PRORP: variants seen among roughly 807,000 people sequenced by gnomAD.
PRORP encodes mitochondrial ribonuclease P catalytic subunit.
Under a neutral mutation model 59.4 loss-of-function variants are expected in PRORP, and 51 were observed. The ratio of observed to expected loss-of-function variants is 0.86; its 90% confidence interval spans 0.69 to 1.08. The LOEUF is 1.08. Ranked by LOEUF, PRORP falls within the 50% of genes least tolerant of loss-of-function variation. The pLI, the probability that PRORP is intolerant of heterozygous loss-of-function variation, is 0.00. For synonymous variants in PRORP, 231 were observed against 245.6 expected, an observed-to-expected ratio of 0.94 and a Z score of 0.55; for missense variants, 646 against 690.3, an observed-to-expected ratio of 0.94 and a Z score of 0.72.
At chr14:35,212,904 A>C (rs1054759517) in intron 5 of PRORP, among the ~76,000 whole-genome samples, 16 of 152,222 alleles carry the variant, frequency 1.1e-4, no homozygotes, top group African/African-American at 3.4e-4. Context: ...TCCATTGCCA[A>C]TCTGTTGTTT....
chr14:35,265,424 G>A (rs1344631611), intron 5 of PRORP, among the ~76,000 whole-genome samples: 1 of 152,106 alleles, frequency 6.6e-6, no homozygotes, highest in Non-Finnish European at 1.5e-5. Flanking sequence ...AGTAATTTAT[G>A]TACTTTTCCT....
chr14:35,130,922 G>A (rs2138800024), intron 4 of PRORP, among the ~76,000 whole-genome samples: 1 of 151,646 alleles, frequency 6.6e-6, no homozygotes, highest in East Asian at 2.0e-4. Context: ...TTATAGGCGT[G>A]AGTCACCAGA....
intron 5 of PRORP, 36 bp downstream of exon 5, chr14:35,180,813 T>C: frequency 7.6e-7 from 1 of 1,317,256 alleles, no homozygotes. Flanking sequence ...TCCACATCTC[T>C]AGAAATATTT....
intron 4 of PRORP, chr14:35,158,362 T>C: frequency 3.3e-6 from 1 of 299,970 alleles, no homozygotes. Flanking sequence ...CATTTTCAAC[T>C]TTACCAACAC....
Position 35,270,607 on chromosome 14 carries a change from C to T in PRORP, c.1620+11C>T. ...AAACTAACCTTTCAGGTAATGGTAC[C>T]TGTTCTTTATGTAATATTAACAGAG... On this transcript the variant is annotated intron_variant, in intron 7 of 7. Coordinates refer to ENST00000534898, the MANE Select transcript of PRORP (RefSeq NM_014672.4). 6.2e-7 allele frequency: 1 copy of T among 1,609,664 alleles called. No individual in the cohort carries two copies. The highest frequency in any genetic ancestry group is 8.5e-7 in the Non-Finnish European group (1 of 1,176,128).
rs958372542 is a variant in PRORP, at chr14:35,149,093, G to T, written c.1167+21482G>T. On this transcript the variant is annotated intron_variant, in intron 4 of 7. Coordinates refer to ENST00000534898, the MANE Select transcript of PRORP (RefSeq NM_014672.4). Reference sequence around the variant, plus strand: ...GCCACCACGCCCGGCTAATTTTTTTGTATTTTTAGTAGAGATGGGGTTTCA... The same window carrying T: ...GCCACCACGCCCGGCTAATTTTTTTTTATTTTTAGTAGAGATGGGGTTTCA... 4.1e-5 allele frequency among the ~76,000 whole-genome samples: 6 copies of T among 148,108 alleles called. No homozygotes were observed. In the South Asian group the frequency reaches 1.3e-3, roughly 32 times the overall value.
At chr14:35,210,506 C>A (rs940356203) in intron 5 of PRORP, among the ~76,000 whole-genome samples, 6 of 151,540 alleles carry the variant, frequency 4.0e-5, no homozygotes, top group Non-Finnish European at 7.4e-5. Flanking sequence ...TAGAAAAAGA[C>A]TTATACAGGG....
At chr14:35,169,115 G>A (rs776329151) in intron 4 of PRORP, among the ~76,000 whole-genome samples, 28 of 150,744 alleles carry the variant, frequency 1.9e-4, no homozygotes, top group Non-Finnish European at 3.7e-4. Flanking sequence ...AGTATTTAAA[G>A]CTATGTATTT....
intron 5 of PRORP, among the ~76,000 whole-genome samples, chr14:35,197,722 TATTATTTCTACC>T (rs1457216864): frequency 6.6e-6 from 1 of 152,206 alleles, no homozygotes; most frequent in African/African-American, 2.4e-5. Flanking sequence ...CTTATTGGTA[TATTATTTCTACC>T]CCATTTTGTC....
chr14:35,172,889 A>G (rs1295334430), intron 4 of PRORP, among the ~76,000 whole-genome samples: 1 of 122,802 alleles, frequency 8.1e-6, no homozygotes, highest in Non-Finnish European at 1.7e-5. Flanking sequence ...TTTTTTGGAG[A>G]TAGAGTTTCT....
chr14:35,241,458 T>A (rs2050367270), intron 5 of PRORP, among the ~76,000 whole-genome samples: 1 of 152,196 alleles, frequency 6.6e-6, no homozygotes, highest in Non-Finnish European at 1.5e-5. Context: ...CTTTTGGCTC[T>A]CATTTGTGGC....
chr14:35,266,967 T>G (rs2051058085), intron 6 of PRORP, 92 bp downstream of exon 6: 1 of 1,235,136 alleles, frequency 8.1e-7, no homozygotes, highest in South Asian at 1.4e-5. Flanking sequence ...TTTAAATGCA[T>G]GTGTATGTGT....
intron 4 of PRORP, among the ~76,000 whole-genome samples, chr14:35,176,012 G>T (rs1167499779): frequency 2.0e-5 from 3 of 152,190 alleles, no homozygotes; most frequent in Non-Finnish European, 4.4e-5. Context: ...TTTCCCCATT[G>T]CTTGTTTTTG....
intron 2 of PRORP, among the ~76,000 whole-genome samples, chr14:35,125,936 T>C (rs962518535): frequency 2.0e-5 from 3 of 152,102 alleles, no homozygotes; most frequent in Non-Finnish European, 4.4e-5. Flanking sequence ...AGAGGATCAC[T>C]TGAATCTAGG....
chr14:35,270,328 A>C (rs755690260), intron 6 of PRORP, 73 bp from the exon 7 acceptor site: 15 of 1,434,994 alleles, frequency 1.0e-5, no homozygotes, highest in Non-Finnish European at 1.4e-5. Context: ...AGTAAGTAAA[A>C]AGTACGGTGA....
At chr14:35,252,767 A>G (rs1329069358) in intron 5 of PRORP, among the ~76,000 whole-genome samples, 6 of 152,156 alleles carry the variant, frequency 3.9e-5, no homozygotes, top group Non-Finnish European at 8.8e-5. Context: ...AAATATCAGG[A>G]TGAATGACTT....
intron 4 of PRORP, among the ~76,000 whole-genome samples, chr14:35,131,941 G>A (rs1360865720): frequency 1.3e-5 from 2 of 152,006 alleles, no homozygotes; most frequent in South Asian, 4.2e-4. Flanking sequence ...CCAGGTTCAA[G>A]TGATTCTCCT....
chr14:35,191,427 A>G (rs193285916), intron 5 of PRORP, among the ~76,000 whole-genome samples: 59 of 152,110 alleles, frequency 3.9e-4, no homozygotes, highest in Non-Finnish European at 6.5e-4. Flanking sequence ...TAGCATGAAA[A>G]CAGACTAATA....
rs761984228 is a variant in PRORP, at chr14:35,123,511, C to G, written c.266C>G (p.Ala89Gly). The change falls in exon 2 of 8, where the codon GCA becomes GGA. Residue 89 changes from alanine to glycine, a missense_variant. By Grantham distance (60) the Ala-to-Gly change is moderately conservative. Transcript: ENST00000534898. ...YSVPHFFLAG[A>G]AKERSQMNSQ... ...GTTCCTCATTTTTTTTTAGCTGGAG[C>G]AGCTAAGGAGAGATCACAGATGAAT... 29 of 1,613,946 alleles carry G rather than the reference C, an allele frequency of 1.8e-5. No homozygotes were observed. The highest frequency in any genetic ancestry group is 2.4e-5 in the Non-Finnish European group (28 of 1,180,028).
Sources: allele counts gnomAD v4.1 joint callset (sites outside exome capture counted in the v4.1 genomes callset), GRCh38; gene constraint gnomAD v4.1.1; transcripts MANE v1.5; gene names NCBI Gene and HGNC (gene_info 2026-07-23, HGNC 2026-07-21).